The following ERBB4 variants were observed in gnomAD, a reference collection of about 807,000 sequenced individuals.
ERBB4 encodes receptor tyrosine-protein kinase erbB-4.
A neutral mutation model predicts 158.0 loss-of-function variants in ERBB4; 42 were observed. The observed-to-expected ratio is 0.27, with a 90% CI of 0.21 to 0.34. The LOEUF is 0.34. Ranked by LOEUF, ERBB4 falls within the 10% of genes least tolerant of loss-of-function variation. The pLI, the probability that ERBB4 is intolerant of heterozygous loss-of-function variation, is 1.00. For missense variants in ERBB4, 1,333 were observed against 1,624.1 expected (o/e 0.82, Z 3.08); for synonymous variants, 583 against 558.7 (o/e 1.04, Z -0.61).
intron 22 of ERBB4, among the ~76,000 whole-genome samples, chr2:211,427,662 G>T (rs944118942): frequency 6.6e-6 from 1 of 151,952 alleles, no homozygotes; most frequent in African/African-American, 2.4e-5. Context: ...TCTTTGTTAT[G>T]ACAATAATCT....
chr2:211,682,551 A>C (rs2072393158), intron 12 of ERBB4, among the ~76,000 whole-genome samples: 1 of 152,212 alleles, frequency 6.6e-6, no homozygotes, highest in Admixed American at 6.5e-5. Context: ...AAAATGAACA[A>C]TCACAGGTAC....
At chr2:212,206,645 G>GGC (rs2082763732) in intron 1 of ERBB4, among the ~76,000 whole-genome samples, 1 of 140,418 alleles carries the variant, frequency 7.1e-6, no homozygotes, top group Non-Finnish European at 1.5e-5. Context: ...CAACTGCAGT[G>GGC]GTGCTATCTC....
intron 6 of ERBB4, among the ~76,000 whole-genome samples, chr2:211,724,231 T>A: frequency 6.6e-6 from 1 of 152,294 alleles, no homozygotes. Flanking sequence ...TTTGTTTCAC[T>A]ATAGAATGAG....
intron 3 of ERBB4, among the ~76,000 whole-genome samples, chr2:211,878,468 C>T (rs1050187699): frequency 1.3e-5 from 2 of 152,038 alleles, no homozygotes; most frequent in African/African-American, 4.8e-5. Flanking sequence ...TAAAAATATG[C>T]TGAAAGCAAA....
intron 2 of ERBB4, among the ~76,000 whole-genome samples, chr2:211,995,905 A>G (rs2125266765): frequency 6.6e-6 from 1 of 152,304 alleles, no homozygotes; most frequent in East Asian, 1.9e-4. Context: ...ATACTGTTGA[A>G]TTAATTAGCC....
chr2:212,318,783 T>A (rs1046108481), intron 1 of ERBB4, among the ~76,000 whole-genome samples: 1 of 151,598 alleles, frequency 6.6e-6, no homozygotes, highest in Non-Finnish European at 1.5e-5. Flanking sequence ...AGGCTTCTTA[T>A]TTTTTATCAT....
chr2:212,449,562 T>C (rs2092414975), intron 1 of ERBB4, among the ~76,000 whole-genome samples: 1 of 152,148 alleles, frequency 6.6e-6, no homozygotes, highest in African/African-American at 2.4e-5. Context: ...ATTGCTACCA[T>C]ATTTTTTCCA....
At chr2:211,650,955 G>A (rs1208766356) in intron 16 of ERBB4, among the ~76,000 whole-genome samples, 1 of 152,146 alleles carries the variant, frequency 6.6e-6, no homozygotes, top group Non-Finnish European at 1.5e-5. Context: ...TACGTGACTA[G>A]TGGTTACCAT....
At chr2:212,444,301 C>G (rs1324767047) in intron 1 of ERBB4, among the ~76,000 whole-genome samples, 1 of 152,156 alleles carries the variant, frequency 6.6e-6, no homozygotes, top group African/African-American at 2.4e-5. Context: ...GGAAAATTTT[C>G]CCAGTGGGCA....
intron 1 of ERBB4, among the ~76,000 whole-genome samples, chr2:212,273,942 G>T (rs1046501046): frequency 2.6e-5 from 4 of 151,722 alleles, no homozygotes; most frequent in African/African-American, 9.7e-5. Context: ...TGGAAAATCT[G>T]AGTATAACTT....
chr2:212,514,109 T>C (rs974933782), intron 1 of ERBB4, among the ~76,000 whole-genome samples: 2 of 152,144 alleles, frequency 1.3e-5, no homozygotes, highest in Non-Finnish European at 2.9e-5. Flanking sequence ...TTCACTTTTT[T>C]CTCACTTTAT....
intron 3 of ERBB4, among the ~76,000 whole-genome samples, chr2:211,837,668 C>G (rs184181803): frequency 2.0e-5 from 3 of 152,148 alleles, no homozygotes; most frequent in African/African-American, 7.2e-5. Context: ...ACTCAGTAGT[C>G]TCCACATCTT....
At chr2:211,769,802 G>C (rs1189818030) in intron 4 of ERBB4, among the ~76,000 whole-genome samples, 2 of 152,204 alleles carry the variant, frequency 1.3e-5, no homozygotes, top group South Asian at 2.1e-4. Flanking sequence ...GGAAGACTCA[G>C]CAAGTCTGCT....
intron 3 of ERBB4, among the ~76,000 whole-genome samples, chr2:211,917,017 T>A (rs1313525938): frequency 6.6e-6 from 1 of 152,178 alleles, no homozygotes; most frequent in African/African-American, 2.4e-5. Context: ...ACAGATTTGA[T>A]ACCAGTGGTT....
intron 2 of ERBB4, among the ~76,000 whole-genome samples, chr2:211,997,016 C>T (rs2082215515): frequency 6.6e-6 from 1 of 152,184 alleles, no homozygotes; most frequent in Non-Finnish European, 1.5e-5. Flanking sequence ...CTGCTTTTAA[C>T]TGCGAAGTGA....
At chr2:211,623,891 T>TAG in intron 18 of ERBB4, 31 bp downstream of exon 18, 1 of 1,612,154 alleles carries the variant, frequency 6.2e-7, no homozygotes, top group Non-Finnish European at 8.5e-7. Context: ...AAACAAAACT[T>TAG]AACTAACGAT....
chr2:211,411,962 A>G (rs2125379919), intron 25 of ERBB4, among the ~76,000 whole-genome samples: 1 of 152,360 alleles, frequency 6.6e-6, no homozygotes, highest in East Asian at 1.9e-4. Context: ...TTTCCAAAAA[A>G]TAAAAAATAA....
chr2:212,521,410 A>C (rs1414048907), intron 1 of ERBB4, among the ~76,000 whole-genome samples: 1 of 151,912 alleles, frequency 6.6e-6, no homozygotes, highest in Non-Finnish European at 1.5e-5. Flanking sequence ...CCATGTGTAC[A>C]ATAATTCTAT....
intron 4 of ERBB4, among the ~76,000 whole-genome samples, chr2:211,765,198 A>T (rs111734730): frequency 2.0e-5 from 3 of 152,284 alleles, no homozygotes; most frequent in Middle Eastern, 6.8e-3. Flanking sequence ...TGGAGACAAG[A>T]TTCAAACTCA....
Sources: gnomAD v4.1 joint callset for allele counts (sites outside exome capture counted in the v4.1 genomes callset) on GRCh38, gnomAD v4.1.1 for gene constraint, MANE v1.5 for transcripts, NCBI Gene and HGNC (gene_info 2026-07-23, HGNC 2026-07-21) for gene names.